The following CRYBG1 variants were observed in gnomAD, a reference collection of about 807,000 sequenced individuals.
The protein encoded by CRYBG1 is beta/gamma crystallin domain-containing protein 1.
In CRYBG1, 139 loss-of-function variants were observed where a neutral mutation model predicts 189.2. The ratio of observed to expected loss-of-function variants is 0.73; its 90% CI spans 0.64 to 0.85. The LOEUF (loss-of-function observed/expected upper bound fraction) is 0.85. Ranked by LOEUF, CRYBG1 falls within the 40% of genes least tolerant of loss-of-function variation. The pLI is 0.00. For synonymous variants in CRYBG1, 1,023 were observed against 1,017.1 expected (o/e 1.01, Z -0.11); for missense variants, 2,611 against 2,675.8 (o/e 0.98, Z 0.53).
chr6:106,513,201 A>G (rs1773340383), intron 3 of CRYBG1, among the ~76,000 whole-genome samples, 162 bp downstream of exon 3: 1 of 152,240 alleles, frequency 6.6e-6, no homozygotes, highest in Non-Finnish European at 1.5e-5. Context: ...TACACAGTCA[A>G]GATTTAAGAT....
At chr6:106,503,081 G>C (rs1338983205) in intron 2 of CRYBG1, among the ~76,000 whole-genome samples, 2 of 152,134 alleles carry the variant, frequency 1.3e-5, no homozygotes, top group Non-Finnish European at 2.9e-5. Flanking sequence ...TGGGGAGAGA[G>C]AACAGCGGCG....
At chr6:106,441,082 T>A (rs554359645) in intron 1 of CRYBG1, among the ~76,000 whole-genome samples, 1 of 152,284 alleles carries the variant, frequency 6.6e-6, no homozygotes, top group South Asian at 2.1e-4. Flanking sequence ...TTAGACTTGA[T>A]GGAATTTGAT....
chr6:106,492,989 T>A (rs1455029260), intron 2 of CRYBG1, among the ~76,000 whole-genome samples: 2 of 152,040 alleles, frequency 1.3e-5, no homozygotes, highest in African/African-American at 4.8e-5. Context: ...TTTTTTTACT[T>A]TTAGGAGAGC....
intron 13 of CRYBG1, among the ~76,000 whole-genome samples, chr6:106,546,461 A>G (rs1647205084): frequency 6.6e-6 from 1 of 152,204 alleles, no homozygotes; most frequent in Admixed American, 6.5e-5. Context: ...GCCTCCCACA[A>G]TAGCCCTGGA....
At chr6:106,428,065 C>A (rs1053361451) in intron 1 of CRYBG1, among the ~76,000 whole-genome samples, 1 of 152,220 alleles carries the variant, frequency 6.6e-6, no homozygotes, top group African/African-American at 2.4e-5. Context: ...CCTTCCATCA[C>A]TTTATCGCCT....
chr6:106,521,056 T>G lies in CRYBG1; in HGVS notation c.3848T>G (p.Val1283Gly). Residue 1283 changes from valine to glycine, a missense_variant, in exon 4 of 22, where the codon GTG becomes GGG. Physicochemically the swap from Val to Gly is moderately radical, Grantham distance 109 (BLOSUM62 -3). This residue lies in a region of CRYBG1 where 1,622 missense variants were observed against 1,735.0 expected (regional missense o/e 0.93). Coordinates refer to ENST00000633556, the MANE Select transcript of CRYBG1 (RefSeq NM_001371242.2). Reference sequence around the variant, plus strand: ...AACGGTTCCCTATCTCAGTCTTCAGTGTCACAGCCCACGACTGAGGGTGCC... The same window carrying G: ...AACGGTTCCCTATCTCAGTCTTCAGGGTCACAGCCCACGACTGAGGGTGCC... ...SQNGSLSQSS[V>G]SQPTTEGAPP... The G allele has an allele frequency of 3.7e-6, 6 of 1,614,184 alleles. No homozygotes were observed. The highest frequency in any genetic ancestry group is 5.1e-6 in the Non-Finnish European group (6 of 1,180,032).
rs778509447 is a variant in CRYBG1, at chr6:106,543,590, A to AGAGGCAT, written c.5034_5039+1dup. On this transcript the variant is annotated frameshift_variant, in exon 11 of 22. Coordinates refer to ENST00000633556, the MANE Select transcript of CRYBG1 (RefSeq NM_001371242.2). LOFTEE classifies it high-confidence loss of function. The stretch of plus-strand genomic sequence containing the variant: ...GTCAGTGGGGTCTATGAAAGTTCTA[A>AGAGGCAT]GAGGCATGTAAGTACATGGGTGACT... 6.2e-7 allele frequency: 1 copy of AGAGGCAT among 1,613,718 alleles called. No homozygotes were observed. The highest frequency in any genetic ancestry group is 1.3e-5 in the African/African-American group (1 of 75,022).
At chr6:106,510,364 G>T (rs1233669179) in intron 2 of CRYBG1, among the ~76,000 whole-genome samples, 1 of 152,212 alleles carries the variant, frequency 6.6e-6, no homozygotes, top group Non-Finnish European at 1.5e-5. Context: ...ACCCCGGAGC[G>T]CCACCGCGCC....
At chr6:106,547,901 G>A (rs1774302681) in intron 13 of CRYBG1, among the ~76,000 whole-genome samples, 1 of 152,198 alleles carries the variant, frequency 6.6e-6, no homozygotes, top group South Asian at 2.1e-4. Context: ...CTAGTTCTAT[G>A]CTATATTCTT....
At chr6:106,388,337 G>A (rs1441256750) in intron 1 of CRYBG1, among the ~76,000 whole-genome samples, 1 of 152,076 alleles carries the variant, frequency 6.6e-6, no homozygotes, top group Non-Finnish European at 1.5e-5. Flanking sequence ...TTTTGGCCAT[G>A]CACTTATTTC....
At chr6:106,374,698 A>G (rs1179203886) in intron 1 of CRYBG1, among the ~76,000 whole-genome samples, 1 of 152,250 alleles carries the variant, frequency 6.6e-6, no homozygotes, top group African/African-American at 2.4e-5. Flanking sequence ...GTTAGTGTAT[A>G]TAAATTCTCT....
intron 1 of CRYBG1, among the ~76,000 whole-genome samples, chr6:106,428,470 T>C (rs1771267562): frequency 6.6e-6 from 1 of 152,206 alleles, no homozygotes; most frequent in Admixed American, 6.5e-5. Context: ...TCATGTGATA[T>C]ATAGTAAAAT....
At position 106,521,097 on chromosome 6, in the gene CRYBG1, A is replaced by G. The variant is rs566268314; in HGVS notation, c.3889A>G (p.Asn1297Asp). Reference protein sequence around the residue: ...TTEGAPPCGLNKEQSNLLPDN... With the variant: ...TTEGAPPCGLDKEQSNLLPDN... ...TGAGGGTGCCCCGCCCTGTGGTTTG[A>G]ACAAAGAACAGTCAAATCTTCTGCC... The change falls in exon 4 of 22, where the codon AAC becomes GAC. Residue 1297 changes from asparagine (N) to aspartate (D), a missense_variant. Physicochemically the swap from Asn to Asp is conservative, Grantham distance 23. Transcript: ENST00000633556. The G allele has an allele frequency of 2.5e-6, 4 of 1,614,134 alleles. No homozygotes were observed. Among genetic ancestry groups the G allele is most frequent in the South Asian group, 1.1e-5 (1 of 91,088 alleles).
In CRYBG1 at chr6:106,512,014, G is replaced by C. The variant is rs1485377618; in HGVS notation, c.897G>C (p.Ser299=). The C allele has an allele frequency of 1.7e-5, 26 of 1,529,380 alleles. No individual in the cohort carries two copies. The East Asian group carries it at 3.4e-4, about 20-fold the overall frequency. The allele number at this position is 1,529,380 out of a possible 1,614,324, so 94.7% of individuals were successfully genotyped here. The part of the protein sequence containing the change: ...AFLGVRGAPG[S]PTQERPAGGL... ...TGGGTGTGAGGGGTGCGCCAGGGTC[G>C]CCCACCCAGGAGCGGCCCGCGGGAG... Residue 299 remains serine, a synonymous_variant, in exon 3 of 22, where the codon TCG becomes TCC. Coordinates refer to ENST00000633556, the MANE Select transcript of CRYBG1 (RefSeq NM_001371242.2).
chr6:106,386,354 T>G (rs1770388950), intron 1 of CRYBG1, among the ~76,000 whole-genome samples: 1 of 152,190 alleles, frequency 6.6e-6, no homozygotes. Flanking sequence ...AAGTGCGTAG[T>G]GCAGGAAAGA....
chr6:106,433,752 T>A (rs1582760114), intron 1 of CRYBG1, among the ~76,000 whole-genome samples: 1 of 29,030 alleles, frequency 3.4e-5, no homozygotes, highest in Non-Finnish European at 6.8e-5. Context: ...TATGTATATA[T>A]ATATGTGTAT....
chr6:106,416,758 TTG>T (rs1201395603), intron 1 of CRYBG1, among the ~76,000 whole-genome samples: 1 of 152,240 alleles, frequency 6.6e-6, no homozygotes, highest in African/African-American at 2.4e-5. Context: ...ATTATACACA[TTG>T]TGTGTTTGTT....
Position 106,568,799 on chromosome 6 carries a change from G to T in CRYBG1, c.*233G>T. ...CTTTCATTTCTTGCCTTTCATTTTT[G>T]GTAGCTGCTTAAACAGGTTGCCTAA... On this transcript the variant is annotated 3_prime_UTR_variant, in exon 22 of 22. Coordinates refer to ENST00000633556, the MANE Select transcript of CRYBG1 (RefSeq NM_001371242.2). The T allele has an allele frequency of 2.4e-6, 1 of 423,992 alleles. No individual in the cohort carries two copies. The highest frequency in any genetic ancestry group is 4.2e-6 in the Non-Finnish European group (1 of 235,634). The allele number at this position is 423,992 out of a possible 1,614,324, so 26.3% of individuals were successfully genotyped here. A position where few individuals can be genotyped will look rare whatever the true frequency, so the allele number is the denominator to read the frequency against.
At chr6:106,541,397 C>T (rs1286505971) in intron 9 of CRYBG1, 189 bp from the exon 10 acceptor site, 9 of 680,624 alleles carry the variant, frequency 1.3e-5, no homozygotes, top group East Asian at 5.4e-5. Context: ...TGCGAGGCTC[C>T]GTTCTAGCCT....
Sources: allele counts gnomAD v4.1 joint callset (sites outside exome capture counted in the v4.1 genomes callset), GRCh38; gene constraint gnomAD v4.1.1; regional missense constraint gnomAD v4.1.1; transcripts MANE v1.5; gene names NCBI Gene and HGNC (gene_info 2026-07-23, HGNC 2026-07-21).